THEMIS: variants seen among roughly 807,000 people sequenced by gnomAD.
THEMIS encodes the protein protein THEMIS.
THEMIS carries 37 observed loss-of-function variants against 52.6 expected under a neutral mutation model. The ratio of observed to expected loss-of-function variants is 0.70; its 90% CI spans 0.54 to 0.93. THEMIS has a LOEUF of 0.93. Ranked by LOEUF, THEMIS falls within the 40% of genes least tolerant of loss-of-function variation. The pLI, the probability that THEMIS is intolerant of heterozygous loss-of-function variation, is 0.00. For synonymous variants in THEMIS, 292 were observed against 272.7 expected, an observed-to-expected ratio of 1.07 and a Z score of -0.70; for missense variants, 808 against 763.1, an observed-to-expected ratio of 1.06 and a Z score of -0.69.
At chr6:127,770,454 A>C (rs770602508) in intron 4 of THEMIS, among the ~76,000 whole-genome samples, 4 of 152,034 alleles carry the variant, frequency 2.6e-5, no homozygotes, top group African/African-American at 9.7e-5. Flanking sequence ...TCCTTTGCCC[A>C]CTTTTTGATG....
At chr6:127,787,853 A>AGATAGAT (rs1777013296) in intron 4 of THEMIS, among the ~76,000 whole-genome samples, 1 of 117,210 alleles carries the variant, frequency 8.5e-6, no homozygotes. Flanking sequence ...AGACAGATAT[A>AGATAGAT]GATAGATAGA....
intron 1 of THEMIS, among the ~76,000 whole-genome samples, chr6:127,910,536 T>C (rs1312548700): frequency 6.6e-6 from 1 of 152,178 alleles, no homozygotes; most frequent in Non-Finnish European, 1.5e-5. Context: ...AAATGGAGAA[T>C]CTGTTTCTAC....
At chr6:127,717,877 C>T (rs1216008218) in intron 5 of THEMIS, among the ~76,000 whole-genome samples, 9 of 150,522 alleles carry the variant, frequency 6.0e-5, no homozygotes, top group East Asian at 2.0e-4. Flanking sequence ...CTGTTACTCT[C>T]GTCAAAGAGA....
intron 4 of THEMIS, among the ~76,000 whole-genome samples, chr6:127,767,826 C>G (rs1043238144): frequency 6.6e-6 from 1 of 151,970 alleles, no homozygotes; most frequent in Non-Finnish European, 1.5e-5. Context: ...TTATTTAAAC[C>G]AGCACCACCA....
chr6:127,793,596 A>G (rs902978256), intron 4 of THEMIS, among the ~76,000 whole-genome samples: 2 of 152,212 alleles, frequency 1.3e-5, no homozygotes, highest in African/African-American at 4.8e-5. Flanking sequence ...GAAGACTACC[A>G]TCCCTCAAAA....
At chr6:127,778,660 A>G (rs1243837928) in intron 4 of THEMIS, among the ~76,000 whole-genome samples, 1 of 152,122 alleles carries the variant, frequency 6.6e-6, no homozygotes, top group Non-Finnish European at 1.5e-5. Context: ...TTTTTGTCAT[A>G]TATAAGCCAT....
chr6:127,837,847 C>A (rs1428341813), intron 2 of THEMIS, among the ~76,000 whole-genome samples: 1 of 151,940 alleles, frequency 6.6e-6, no homozygotes, highest in African/African-American at 2.4e-5. Flanking sequence ...ACCGAATAAA[C>A]CTCATGCTTT....
chr6:127,710,088 C>A, intron 5 of THEMIS, 72 bp from the exon 6 acceptor site: 2 of 1,065,842 alleles, frequency 1.9e-6, no homozygotes, highest in South Asian at 1.5e-5. Context: ...TGCCTGCTTT[C>A]AAATACTGTC....
At chr6:127,841,268 G>A (rs894340762) in intron 2 of THEMIS, among the ~76,000 whole-genome samples, 1 of 151,946 alleles carries the variant, frequency 6.6e-6, no homozygotes, top group Non-Finnish European at 1.5e-5. Flanking sequence ...TCCCCAAAAT[G>A]TAACTGTGTA....
In THEMIS at chr6:127,813,411, A is replaced by G. The variant is rs765310265; in HGVS notation, c.1230T>C (p.Val410=). 6.2e-7 allele frequency: 1 copy of G among 1,613,930 alleles called. No individual in the cohort carries two copies. The highest frequency in any genetic ancestry group is 1.1e-5 in the South Asian group (1 of 91,060). Residue 410 remains valine (V), a synonymous_variant, in exon 4 of 6, where the codon GTT becomes GTC. Coordinates refer to ENST00000368248, the MANE Select transcript of THEMIS (RefSeq NM_001010923.3). ...LCEGIKKVVN[V]LACEKILKKS... ...TTTTGAGGATTTTTTCACAGGCCAGAACATTCACCACTTTTTTTATTCCCT... is the reference window on the plus strand; with the variant it reads ...TTTTGAGGATTTTTTCACAGGCCAGGACATTCACCACTTTTTTTATTCCCT...
In THEMIS at chr6:127,870,322, A is replaced by G. The variant is rs567495050; in HGVS notation, c.92-15134T>C. ...AGTGAGGGGTCAGCACTCCCATTTC[A>G]CATAATAAGAATCCTCACTTCCTAA... is the stretch of plus-strand genomic sequence containing the variant. On this transcript the variant is annotated intron_variant, in intron 1 of 5. Transcript: ENST00000368248. Among the ~76,000 whole-genome samples the G allele has an allele frequency of 2.6e-5, 4 of 152,262 alleles. No individual in the cohort carries two copies. In the East Asian group the frequency reaches 7.7e-4, roughly 29 times the overall value.
chr6:127,785,558 G>C (rs1326071686), intron 4 of THEMIS, among the ~76,000 whole-genome samples: 2 of 150,506 alleles, frequency 1.3e-5, no homozygotes, highest in African/African-American at 2.4e-5. Context: ...ATCTTCTTTA[G>C]ATCTTATTTG....
At chr6:127,726,760 T>G (rs982114867) in intron 4 of THEMIS, among the ~76,000 whole-genome samples, 1 of 152,148 alleles carries the variant, frequency 6.6e-6, no homozygotes, top group African/African-American at 2.4e-5. Context: ...TGAAATGAGT[T>G]GAAGAATTTT....
intron 4 of THEMIS, among the ~76,000 whole-genome samples, chr6:127,773,016 G>C (rs146489806): frequency 6.6e-6 from 1 of 152,090 alleles, no homozygotes; most frequent in Non-Finnish European, 1.5e-5. Context: ...ATGTCTGTAC[G>C]CATGTAAAGA....
the THEMIS span, among the ~76,000 whole-genome samples, chr6:127,699,638 T>C: frequency 6.6e-6 from 1 of 151,672 alleles, no homozygotes; most frequent in African/African-American, 2.4e-5. Context: ...TGTACATGAT[T>C]AATTGGATTT....
chr6:127,779,580 G>A (rs1015733634), intron 4 of THEMIS, among the ~76,000 whole-genome samples: 2 of 152,072 alleles, frequency 1.3e-5, no homozygotes, highest in Non-Finnish European at 2.9e-5. Context: ...ATAAAACACT[G>A]TCTCTGAATT....
chr6:127,802,777 G>A (rs1171694503), intron 4 of THEMIS, among the ~76,000 whole-genome samples: 1 of 152,154 alleles, frequency 6.6e-6, no homozygotes, highest in Non-Finnish European at 1.5e-5. Context: ...GACAATTCAT[G>A]CAGTGAATCT....
At chr6:127,772,921 C>T (rs369056926) in intron 4 of THEMIS, among the ~76,000 whole-genome samples, 2 of 152,126 alleles carry the variant, frequency 1.3e-5, no homozygotes, top group African/African-American at 4.8e-5. Flanking sequence ...TTAGACTTCT[C>T]TTGGCTCTGC....
chr6:127,832,329 T>C (rs957556201), intron 2 of THEMIS, among the ~76,000 whole-genome samples: 3 of 152,204 alleles, frequency 2.0e-5, no homozygotes, highest in Admixed American at 6.5e-5. Flanking sequence ...TAAAAGATGA[T>C]GAAGTACACA....
Sources: allele counts gnomAD v4.1 joint callset (sites outside exome capture counted in the v4.1 genomes callset), GRCh38; gene constraint gnomAD v4.1.1; transcripts MANE v1.5; gene names NCBI Gene and HGNC (gene_info 2026-07-23, HGNC 2026-07-21).